Variants in DEPDC7 observed in about 807,000 individuals in gnomAD.
The protein encoded by DEPDC7 is DEP domain containing 7, also known as DEP domain-containing protein 7.
Under a neutral mutation model 56.6 loss-of-function variants are expected in DEPDC7, and 41 were observed. The observed-to-expected ratio is 0.72, with a 90% CI of 0.56 to 0.94. The LOEUF (loss-of-function observed/expected upper bound fraction) is 0.94. Ranked by LOEUF, DEPDC7 falls within the 40% of genes least tolerant of loss-of-function variation. DEPDC7 has a pLI of 0.00. For synonymous variants in DEPDC7, 185 were observed against 208.8 expected (o/e 0.89, Z 0.98); for missense variants, 522 against 596.3 (o/e 0.88, Z 1.30).
chr11:33,026,220 T>C, intron 2 of DEPDC7, 171 bp downstream of exon 2: 2 of 662,724 alleles, frequency 3.0e-6, no homozygotes, highest in Non-Finnish European at 5.2e-6. Flanking sequence ...TTATTGGGTG[T>C]CTCCTAGTCA....
chr11:33,032,624 C>A, intron 6 of DEPDC7, 44 bp from the exon 7 acceptor site: 1 of 1,403,970 alleles, frequency 7.1e-7, no homozygotes, highest in Non-Finnish European at 9.6e-7. Context: ...TTAAACTTGT[C>A]TCTTAAATAT....
Position 33,031,609 on chromosome 11 carries a change from A to G in DEPDC7, c.994+20A>G. The G allele has an allele frequency of 1.3e-6, 2 of 1,575,454 alleles. No homozygotes were observed. Among genetic ancestry groups the G allele is most frequent in the Non-Finnish European group, 1.7e-6 (2 of 1,145,574 alleles). On this transcript the variant is annotated intron_variant, in intron 5 of 8. Transcript: ENST00000241051. ...TCTTAGGTAAGTAAGATCTAACTGG[A>G]TACTAGCATTTATCTTTTGGAGGAA... is the stretch of plus-strand genomic sequence containing the variant.
chr11:33,030,815 C>T (rs1423215328), intron 4 of DEPDC7, among the ~76,000 whole-genome samples: 3 of 152,174 alleles, frequency 2.0e-5, no homozygotes, highest in East Asian at 1.9e-4. Flanking sequence ...AACTGCTGAC[C>T]TCATGTGATC....
chr11:33,031,671 G>A, intron 5 of DEPDC7, 82 bp downstream of exon 5: 2 of 1,083,846 alleles, frequency 1.8e-6, no homozygotes, highest in African/African-American at 1.6e-5. Context: ...AACCAGAATA[G>A]TACTACTACA....
Position 33,032,888 on chromosome 11 carries a change from G to A in DEPDC7, c.1264-1G>A. On this transcript the variant is annotated splice_acceptor_variant, in intron 7 of 8. Transcript: ENST00000241051. LOFTEE classifies it high-confidence loss of function. Reference sequence around the variant, plus strand: ...GTCCCATGTCCCTTCTTTTTCTTAAGATTCCTGGAACTCTACATAAAATTG... The same window carrying A: ...GTCCCATGTCCCTTCTTTTTCTTAAAATTCCTGGAACTCTACATAAAATTG... The A allele has an allele frequency of 6.3e-7, 1 of 1,599,186 alleles. No individual in the cohort carries two copies. Among genetic ancestry groups the A allele is most frequent in the South Asian group, 1.1e-5 (1 of 87,522 alleles).
intron 3 of DEPDC7, 35 bp downstream of exon 3, chr11:33,027,848 G>GCAAAGTAAGAAGTA: frequency 6.7e-7 from 1 of 1,486,000 alleles, no homozygotes; most frequent in Non-Finnish European, 8.9e-7. Context: ...AGAAGTAGAA[G>GCAAAGTAAGAAGTA]ACAAACTTCA....
Position 33,031,496 on chromosome 11 carries a change from C to A in DEPDC7, c.901C>A (p.Leu301Ile), listed in dbSNP as rs769743885. Reference protein sequence around the residue: ...QPDRTDLVKELLFDAIGRYYS... With the variant: ...QPDRTDLVKEILFDAIGRYYS... ...AGACCGAACAGACTTAGTGAAAGAA[C>A]TTCTGTTTGATGCCATTGGCAGATA... The change falls in exon 5 of 9, where the codon CTT (leucine) becomes ATT (isoleucine). Residue 301 changes from leucine (L) to isoleucine (I), a missense_variant. Coordinates refer to ENST00000241051, the MANE Select transcript of DEPDC7 (RefSeq NM_001077242.2). 6.2e-7 allele frequency: 1 copy of A among 1,614,166 alleles called. No homozygotes were observed. Among genetic ancestry groups the A allele is most frequent in the Non-Finnish European group, 8.5e-7 (1 of 1,179,980 alleles).
intron 1 of DEPDC7, among the ~76,000 whole-genome samples, chr11:33,020,473 A>G (rs1356087812): frequency 6.6e-6 from 1 of 152,222 alleles, no homozygotes; most frequent in East Asian, 1.9e-4. Context: ...TGAAGGCTAG[A>G]TAATCAAATT....
In DEPDC7 at chr11:33,025,906, A is replaced by C; in HGVS notation, c.321A>C (p.Val107=). ...RVCQALMDYK[V]FEAVPTKVFG... ...GTCAAGCGCTTATGGACTACAAAGTATTTGAAGCAGTTCCAACCAAAGTCT... is the reference window on the plus strand; with the variant it reads ...GTCAAGCGCTTATGGACTACAAAGTCTTTGAAGCAGTTCCAACCAAAGTCT... Residue 107 remains valine (V), a synonymous_variant, in exon 2 of 9, where the codon GTA becomes GTC. Coordinates refer to ENST00000241051, the MANE Select transcript of DEPDC7 (RefSeq NM_001077242.2). 6.2e-7 allele frequency: 1 copy of C among 1,614,222 alleles called. No individual in the cohort carries two copies.
chr11:33,016,913 C>A (rs1342666368), intron 1 of DEPDC7, among the ~76,000 whole-genome samples: 1 of 152,178 alleles, frequency 6.6e-6, no homozygotes, highest in Non-Finnish European at 1.5e-5. Flanking sequence ...GAGCTCCAGT[C>A]TGGGATGTCG....
chr11:33,018,341 T>C (rs1853486345), intron 1 of DEPDC7, among the ~76,000 whole-genome samples: 1 of 152,248 alleles, frequency 6.6e-6, no homozygotes, highest in South Asian at 2.1e-4. Context: ...GTCCTTTTTC[T>C]TTGTTGTCTT....
In DEPDC7 at chr11:33,031,476, G is replaced by T. The variant is rs370729400; in HGVS notation, c.881G>T (p.Arg294Leu). 6.8e-6 allele frequency: 11 copies of T among 1,614,124 alleles called. No individual in the cohort carries two copies. The highest frequency in any genetic ancestry group is 9.3e-6 in the Non-Finnish European group (11 of 1,179,996). Reference sequence around the variant, plus strand: ...AGAAGCTTTCCTGAGCAACCAGACCGAACAGACTTAGTGAAAGAACTTCTG... The same window carrying T: ...AGAAGCTTTCCTGAGCAACCAGACCTAACAGACTTAGTGAAAGAACTTCTG... ...ISRSFPEQPD[R>L]TDLVKELLFD... is the part of the protein sequence containing the mutation. Residue 294 changes from arginine to leucine, a missense_variant, in exon 5 of 9, where the codon CGA becomes CTA. Arg to Leu is a moderately radical substitution (Grantham distance 102, BLOSUM62 -2). Transcript: ENST00000241051.
chr11:33,030,238 G>A (rs4460780), intron 4 of DEPDC7, among the ~76,000 whole-genome samples: 59,839 of 152,108 alleles, frequency 0.39, 11,943 homozygotes, highest in East Asian at 0.45. Context: ...GATTACAGGC[G>A]TGAGCCACTG....
chr11:33,032,012 G>T (rs1343614883), intron 5 of DEPDC7, among the ~76,000 whole-genome samples: 3 of 152,068 alleles, frequency 2.0e-5, no homozygotes, highest in African/African-American at 4.8e-5. Context: ...AAGGAGAGTT[G>T]GATACATGAG....
chr11:33,022,160 C>A (rs1331808132), intron 1 of DEPDC7, among the ~76,000 whole-genome samples: 1 of 152,138 alleles, frequency 6.6e-6, no homozygotes, highest in Non-Finnish European at 1.5e-5. Context: ...GCATGTCTTC[C>A]TTTTCCTGTC....
At chr11:33,016,254 C>CA in intron 1 of DEPDC7, 1 of 1,340,718 alleles carries the variant, frequency 7.5e-7, no homozygotes, top group Non-Finnish European at 9.5e-7. Flanking sequence ...CCCGCCCGCA[C>CA]AGCCCAGCTT....
chr11:33,031,711 G>A (rs993076586), intron 5 of DEPDC7, 122 bp downstream of exon 5: 12 of 783,348 alleles, frequency 1.5e-5, no homozygotes, highest in African/African-American at 3.5e-5. Context: ...TTAATTCATG[G>A]AAAGTATGTT....
At position 33,028,587 on chromosome 11, in the gene DEPDC7, C is replaced by T. The variant is rs754604623; in HGVS notation, c.593-16C>T. ...TATTAATTGTTACTTTTCACCTTGT[C>T]ATTTTTCCTGTGTAGTTATTAATGA... On this transcript the variant is annotated splice_polypyrimidine_tract_variant and intron_variant, in intron 3 of 8. Transcript: ENST00000241051. 2 of 1,562,582 alleles carry T rather than the reference C, an allele frequency of 1.3e-6. No individual in the cohort carries two copies. Among genetic ancestry groups the T allele is most frequent in the Admixed American group, 4.0e-5 (2 of 49,504 alleles).
chr11:33,017,393 C>T (rs1444633064), intron 1 of DEPDC7, among the ~76,000 whole-genome samples: 1 of 152,130 alleles, frequency 6.6e-6, no homozygotes, highest in African/African-American at 2.4e-5. Flanking sequence ...AATACCAATT[C>T]TGGAGCTTTG....
Sources: allele counts gnomAD v4.1 joint callset (sites outside exome capture counted in the v4.1 genomes callset), GRCh38; gene constraint gnomAD v4.1.1; transcripts MANE v1.5; gene names NCBI Gene and HGNC (gene_info 2026-07-23, HGNC 2026-07-21).